Variants in CYP24A1 observed in about 807,000 individuals in gnomAD.
The protein encoded by CYP24A1 is cytochrome P450 family 24 subfamily A member 1.
In CYP24A1, 68 loss-of-function variants were observed where a neutral mutation model predicts 62.4. The ratio of observed to expected loss-of-function variants is 1.09; its 90% CI spans 0.90 to 1.33. CYP24A1 has a LOEUF of 1.33. Ranked by LOEUF, CYP24A1 falls within the 40% of genes most tolerant of loss-of-function variation. The pLI, the probability that CYP24A1 is intolerant of heterozygous loss-of-function variation, is 0.00. For missense variants in CYP24A1, 787 were observed against 653.0 expected, an observed-to-expected ratio of 1.21 and a Z score of -2.24; for synonymous variants, 267 against 253.0, an observed-to-expected ratio of 1.06 and a Z score of -0.52.
intron 3 of CYP24A1, among the ~76,000 whole-genome samples, chr20:54,170,061 T>A (rs1037645795): frequency 6.6e-6 from 1 of 152,208 alleles, no homozygotes; most frequent in Admixed American, 6.5e-5. Context: ...AGGATTGTGT[T>A]GCAGCAGCTA....
At chr20:54,160,763 C>T (rs1287071778) in intron 7 of CYP24A1, among the ~76,000 whole-genome samples, 2 of 152,190 alleles carry the variant, frequency 1.3e-5, no homozygotes, top group Non-Finnish European at 2.9e-5. Context: ...ACCGCAAGTA[C>T]CAAATAGAGT....
rs757715069 is a variant in CYP24A1 at position 54,157,247 on chromosome 20, C to T, written c.1477G>A (p.Val493Ile). 1.2e-6 allele frequency: 2 copies of T among 1,613,580 alleles called. No individual in the cohort carries two copies. Among genetic ancestry groups the T allele is most frequent in the Admixed American group, 1.7e-5 (1 of 60,012 alleles). ...AGGGTGCCTGAGTGTAGCATCTCAA[C>T]AGGCTCATTGTCTGTGGCCTGGATG... ...YDIQATDNEP[V>I]EMLHSGTLVP... Residue 493 changes from valine to isoleucine, a missense_variant, in exon 11 of 12, where the codon GTT becomes ATT. By Grantham distance (29) the Val-to-Ile change is conservative. Coordinates refer to ENST00000216862, the MANE Select transcript of CYP24A1 (RefSeq NM_000782.5).
the CYP24A1 span, among the ~76,000 whole-genome samples, chr20:54,146,423 G>C: frequency 4.6e-5 from 7 of 152,120 alleles, no homozygotes; most frequent in Non-Finnish European, 8.8e-5. Flanking sequence ...ACAATCCAGA[G>C]GACCGCTACC....
intron 11 of CYP24A1, among the ~76,000 whole-genome samples, chr20:54,156,933 C>T (rs890654342): frequency 1.3e-5 from 2 of 151,954 alleles, no homozygotes; most frequent in East Asian, 3.9e-4. Flanking sequence ...TGATGCCAGG[C>T]TCAGGAATAA....
chr20:54,157,110 G>T, intron 11 of CYP24A1, 59 bp downstream of exon 11: 1 of 854,104 alleles, frequency 1.2e-6, no homozygotes, highest in Non-Finnish European at 2.0e-6. Context: ...TCCCAGCATA[G>T]CTCATCCCTC....
intron 10 of CYP24A1, 24 bp downstream of exon 10, chr20:54,157,364 T>C (rs370081341): frequency 2.0e-6 from 3 of 1,531,908 alleles, no homozygotes; most frequent in Non-Finnish European, 1.8e-6. Flanking sequence ...AGAACATAAT[T>C]GCAGAAACCG....
intron 11 of CYP24A1, among the ~76,000 whole-genome samples, chr20:54,156,023 T>C (rs963432341): frequency 1.3e-5 from 2 of 152,154 alleles, no homozygotes; most frequent in African/African-American, 4.8e-5. Flanking sequence ...TCAGAAAAAG[T>C]ATTGAATGGC....
In CYP24A1 at chr20:54,157,327, CTCT is replaced by C. The variant is rs751154343; in HGVS notation, c.1435-41_1435-39del. 9.8e-5 allele frequency: 145 copies of C among 1,480,770 alleles called. 2 individuals are homozygous for C. In the East Asian group the frequency reaches 2.9e-3, roughly 29 times the overall value. 91.7% of individuals were successfully genotyped at this position (1,480,770 alleles called of 1,614,324 possible). On this transcript the variant is annotated intron_variant, in intron 10 of 11. Transcript: ENST00000216862. ...CGCACACAAAAACAGAATTACCCCT[CTCT>C]TCTTCTGCCTTGTGAAACAGCACAG...
chr20:54,149,070 G>A (rs1337669139), downstream of CYP24A1, among the ~76,000 whole-genome samples: 1 of 152,130 alleles, frequency 6.6e-6, no homozygotes, highest in African/African-American at 2.4e-5. Context: ...ATTTTGGTTT[G>A]CCCCTGTACC....
chr20:54,164,136 G>T (rs535312342), intron 6 of CYP24A1, among the ~76,000 whole-genome samples: 3 of 152,102 alleles, frequency 2.0e-5, no homozygotes, highest in Non-Finnish European at 2.9e-5. Flanking sequence ...GGGTTTCACC[G>T]TGTTGACCGG....
chr20:54,171,806 A>T, intron 2 of CYP24A1, 136 bp from the exon 3 acceptor site: 1 of 1,553,576 alleles, frequency 6.4e-7, no homozygotes, highest in Non-Finnish European at 8.7e-7. Context: ...GCCAGAGAAT[A>T]TTAGCATCAG....
chr20:54,171,802 G>A, intron 2 of CYP24A1, 132 bp from the exon 3 acceptor site: 1 of 1,560,868 alleles, frequency 6.4e-7, no homozygotes, highest in Non-Finnish European at 8.7e-7. Context: ...AATAGCCAGA[G>A]AATATTAGCA....
At chr20:54,162,003 T>C (rs2092652181) in intron 7 of CYP24A1, among the ~76,000 whole-genome samples, 1 of 152,182 alleles carries the variant, frequency 6.6e-6, no homozygotes, top group Admixed American at 6.5e-5. Flanking sequence ...TCCAAGTCAA[T>C]TAAACCTACC....
At chr20:54,170,277 C>T (rs1026744057) in intron 3 of CYP24A1, among the ~76,000 whole-genome samples, 22 of 152,212 alleles carry the variant, frequency 1.4e-4, no homozygotes, top group Non-Finnish European at 3.1e-4. Context: ...TAATGCCTCA[C>T]ATTTAATGAG....
Position 54,159,268 on chromosome 20 carries a change from G to A in CYP24A1, c.991-145C>T, listed in dbSNP as rs143464698. The A allele has an allele frequency of 3.5e-4, 238 of 674,272 alleles. No individual in the cohort carries two copies. In the African/African-American group the frequency reaches 3.9e-3, roughly 11 times the overall value. The allele number at this position is 674,272 out of a possible 1,614,324, so 41.8% of individuals were successfully genotyped here. On this transcript the variant is annotated intron_variant, in intron 7 of 11. Transcript: ENST00000216862. ...ACGCGTCCTTATAGCTACGCCTTTA[G>A]ACAAATCCAATATATAAAAAAGCAG... is the stretch of plus-strand genomic sequence containing the variant.
intron 6 of CYP24A1, among the ~76,000 whole-genome samples, chr20:54,164,050 CT>C (rs1246555481): frequency 6.6e-6 from 1 of 152,292 alleles, no homozygotes; most frequent in East Asian, 1.9e-4. Context: ...ATTCTCCTGC[CT>C]CAGCCTCCTG....
intron 11 of CYP24A1, 178 bp from the exon 12 acceptor site, chr20:54,154,939 T>TAAAAAAAAAAAAAAAAAAAAAAAAA (rs61165834): frequency 2.0e-5 from 1 of 49,822 alleles, no homozygotes; most frequent in Non-Finnish European, 3.5e-5. Flanking sequence ...TTGGTCTTGG[T>TAAAAAAAAAAAAAAAAAAAAAAAAA]AAAAAAAAAA....
rs2274132 is a variant in CYP24A1 at position 54,158,364 on chromosome 20, G to A, written c.1158-200C>T. Among the ~76,000 whole-genome samples, 44,195 of 152,020 alleles carry A rather than the reference G, an allele frequency of 0.29. 7,333 individuals carry two copies. Among genetic ancestry groups the A allele is most frequent in the East Asian group, 0.61 (3,130 of 5,162 alleles). On this transcript the variant is annotated intron_variant, in intron 8 of 11. Transcript: ENST00000216862. ...TTGTTCCTCTCATCTTCTTGAGTTA[G>A]TTAAAACCCCAGTGCAAGGCTGTTT... is the stretch of plus-strand genomic sequence containing the variant.
rs746266995 is a variant in CYP24A1 at position 54,162,778 on chromosome 20, C to T, written c.929G>A (p.Arg310Gln). 17 of 1,577,518 alleles carry T rather than the reference C, an allele frequency of 1.1e-5. No homozygotes were observed. Among genetic ancestry groups the T allele is most frequent in the South Asian group, 3.3e-5 (3 of 90,308 alleles). ...AGCATACAATTCTTTCTTTGAAAGC[C>T]GATTCTGGTGATAAATGTCACAAAG... ...DFLCDIYHQN[R>Q]LSKKELYAAV... is the part of the protein sequence containing the mutation. The change falls in exon 7 of 12, where the codon CGG becomes CAG. Residue 310 changes from arginine to glutamine, a missense_variant. Transcript: ENST00000216862.
Sources: allele counts gnomAD v4.1 joint callset (sites outside exome capture counted in the v4.1 genomes callset), GRCh38; gene constraint gnomAD v4.1.1; transcripts MANE v1.5; gene names NCBI Gene and HGNC (gene_info 2026-07-23, HGNC 2026-07-21).